Variants in CERS5 observed in about 807,000 individuals in gnomAD.
The protein encoded by CERS5 is ceramide synthase 5.
A neutral mutation model predicts 58.9 loss-of-function variants in CERS5; 37 were observed. That is an observed-to-expected ratio of 0.63 (90% CI 0.48 to 0.83). CERS5 has a LOEUF of 0.83. CERS5 is among the 40% of genes least tolerant of loss of function. The probability of loss-of-function intolerance (pLI) is 0.00; values close to 1 mark genes in which losing one functional copy is unlikely to be tolerated. For synonymous variants in CERS5, 147 were observed against 177.8 expected (o/e 0.83, Z 1.38); for missense variants, 398 against 489.3 (o/e 0.81, Z 1.76).
intron 1 of CERS5, among the ~76,000 whole-genome samples, chr12:50,154,924 T>A (rs973024290): frequency 6.6e-6 from 1 of 152,166 alleles, no homozygotes; most frequent in Admixed American, 6.6e-5. Context: ...AGTGGCGCTA[T>A]CTTGGCTCAC....
chr12:50,140,610 T>C (rs1951921617), intron 4 of CERS5, among the ~76,000 whole-genome samples: 2 of 152,138 alleles, frequency 1.3e-5, no homozygotes, highest in Admixed American at 1.3e-4. Flanking sequence ...TCCATGTCTC[T>C]CATTACAATT....
At chr12:50,167,017 C>A in intron 1 of CERS5, 84 bp downstream of exon 1, 1 of 1,141,688 alleles carries the variant, frequency 8.8e-7, no homozygotes, top group Middle Eastern at 2.7e-4. Context: ...CCTTGCAGTT[C>A]TGCTTCCGGC....
chr12:50,166,193 C>T, intron 1 of CERS5: 1 of 208,238 alleles, frequency 4.8e-6, no homozygotes, highest in Non-Finnish European at 1.0e-5. Context: ...CGTGGTGGCG[C>T]GTGCCTGTAA....
intron 3 of CERS5, 137 bp downstream of exon 3, chr12:50,142,937 C>A: frequency 1.1e-6 from 1 of 928,668 alleles, no homozygotes; most frequent in Non-Finnish European, 1.6e-6. Context: ...TTCTTTCCTA[C>A]CTATAATAGG....
At chr12:50,160,132 C>T (rs1245972709) in intron 1 of CERS5, among the ~76,000 whole-genome samples, 3 of 150,806 alleles carry the variant, frequency 2.0e-5, no homozygotes, top group African/African-American at 7.3e-5. Flanking sequence ...TGGCAAAACC[C>T]CATCTCTACT....
intron 1 of CERS5, among the ~76,000 whole-genome samples, chr12:50,150,587 T>C (rs150781762): frequency 1.4e-4 from 21 of 152,188 alleles, no homozygotes; most frequent in Non-Finnish European, 3.1e-4. Flanking sequence ...TGGGGGTGGC[T>C]GTGATTACAT....
chr12:50,145,670 G>A (rs7308428), intron 1 of CERS5, among the ~76,000 whole-genome samples: 47,167 of 148,416 alleles, frequency 0.32, 7,635 homozygotes, highest in African/African-American at 0.41. Flanking sequence ...CGGTGGGGGG[G>A]AAAAAAAAAA....
At chr12:50,148,773 T>G (rs1186723498) in intron 1 of CERS5, among the ~76,000 whole-genome samples, 2 of 151,172 alleles carry the variant, frequency 1.3e-5, no homozygotes, top group African/African-American at 2.4e-5. Flanking sequence ...GGCATGGTCG[T>G]GCACACCTGT....
intron 4 of CERS5, 106 bp downstream of exon 4, chr12:50,141,939 CAAAAAAAA>C (rs35739493): frequency 1.2e-5 from 5 of 404,338 alleles, no homozygotes; most frequent in South Asian, 2.4e-5. Context: ...GACTCCGTCT[CAAAAAAAA>C]AAAAAAAAAA....
chr12:50,162,184 CTTTTTTT>C (rs75460499), intron 1 of CERS5, among the ~76,000 whole-genome samples: 7 of 129,382 alleles, frequency 5.4e-5, no homozygotes, highest in South Asian at 2.4e-4. Flanking sequence ...CTGATTTGTT[CTTTTTTT>C]TTTTTTTTTT....
chr12:50,160,756 GA>G (rs1939192462), intron 1 of CERS5, among the ~76,000 whole-genome samples: 1 of 152,152 alleles, frequency 6.6e-6, no homozygotes, highest in Non-Finnish European at 1.5e-5. Context: ...TCAGATCCAA[GA>G]GGCCTACTTG....
At chr12:50,153,879 G>A (rs1253598125) in intron 1 of CERS5, 1 of 421,976 alleles carries the variant, frequency 2.4e-6, no homozygotes, top group Non-Finnish European at 4.7e-6. Flanking sequence ...ATTTGAACCT[G>A]GGAGGCAGAG....
chr12:50,159,665 C>T (rs1005001379), intron 1 of CERS5, among the ~76,000 whole-genome samples: 3 of 152,066 alleles, frequency 2.0e-5, no homozygotes, highest in Non-Finnish European at 2.9e-5. Flanking sequence ...GCGATCTTGG[C>T]TCGCTGCAAC....
chr12:50,151,308 C>A (rs1937931681), intron 1 of CERS5, among the ~76,000 whole-genome samples: 1 of 152,194 alleles, frequency 6.6e-6, no homozygotes, highest in Non-Finnish European at 1.5e-5. Flanking sequence ...GACCTTTCAG[C>A]AGCATTTTAT....
chr12:50,161,844 G>A (rs1356032576), intron 1 of CERS5, among the ~76,000 whole-genome samples: 1 of 142,360 alleles, frequency 7.0e-6, no homozygotes, highest in East Asian at 2.2e-4. Flanking sequence ...ACTAAGAACA[G>A]GATGAATACA....
intron 1 of CERS5, chr12:50,166,036 C>A: frequency 2.3e-6 from 1 of 431,316 alleles, no homozygotes. Flanking sequence ...TAGAAGCTGG[C>A]TCAAGGCCGG....
At chr12:50,163,637 A>G (rs1228410367) in intron 1 of CERS5, among the ~76,000 whole-genome samples, 1 of 152,128 alleles carries the variant, frequency 6.6e-6, no homozygotes, top group Non-Finnish European at 1.5e-5. Flanking sequence ...TCAGGCCTCT[A>G]CAAAAATTTA....
chr12:50,134,416 T>C (rs1951512882), intron 9 of CERS5, 130 bp downstream of exon 9: 2 of 1,602,046 alleles, frequency 1.2e-6, no homozygotes, highest in Non-Finnish European at 1.7e-6. Flanking sequence ...GGCGAAGACT[T>C]TGGAGCCCTA....
intron 1 of CERS5, chr12:50,154,052 T>G (rs183511296): frequency 4.1e-5 from 10 of 246,106 alleles, no homozygotes; most frequent in Admixed American, 1.7e-4. Context: ...TACCTAGGAA[T>G]CAACGTTTAA....
Sources: gnomAD v4.1 joint callset for allele counts (sites outside exome capture counted in the v4.1 genomes callset) on GRCh38, gnomAD v4.1.1 for gene constraint, MANE v1.5 for transcripts, NCBI Gene and HGNC (gene_info 2026-07-23, HGNC 2026-07-21) for gene names.